AKT2: variants seen among roughly 807,000 people sequenced by gnomAD.
AKT2 encodes the protein RAC-beta serine/threonine-protein kinase.
In AKT2, 16 loss-of-function variants were observed where a neutral mutation model predicts 58.6. That is an observed-to-expected ratio of 0.27 (90% CI 0.18 to 0.41). The LOEUF is 0.41. Among genes scored for constraint, AKT2 ranks in the 10% least tolerant of loss-of-function variants. The pLI, the probability that AKT2 is intolerant of heterozygous loss-of-function variation, is 1.00. For synonymous variants in AKT2, 253 were observed against 254.0 expected (o/e 1.00, Z 0.04); for missense variants, 438 against 661.0 (o/e 0.66, Z 3.70).
In AKT2 at chr19:40,233,714, G is replaced by A. The variant is rs745495725; in HGVS notation, c.*158C>T. 3.6e-5 allele frequency: 29 copies of A among 803,934 alleles called. No individual in the cohort carries two copies. The highest frequency in any genetic ancestry group is 5.6e-5 in the Non-Finnish European group (26 of 461,156). 49.8% of individuals were successfully genotyped at this position (803,934 alleles called of 1,614,324 possible). ...GCTGGAGGCAGGGGCTGCAGGGGCCGCTGGGGTGCGTCTGGGAGGGGCCTG... is the reference window on the plus strand; with the variant it reads ...GCTGGAGGCAGGGGCTGCAGGGGCCACTGGGGTGCGTCTGGGAGGGGCCTG... On this transcript the variant is annotated 3_prime_UTR_variant, in exon 14 of 14. Transcript: ENST00000392038. The surrounding 1 kb of genome is among the most constrained non-coding windows in gnomAD (Gnocchi z 4.3).
In AKT2 at chr19:40,237,172, C is replaced by T. The variant is rs551061410; in HGVS notation, c.832-787G>A. 5.7e-4 allele frequency: 89 copies of T among 155,164 alleles called. 1 individual carries two copies. The highest frequency in any genetic ancestry group is 1.3e-3 in the Admixed American group (20 of 15,840). 9.6% of individuals were successfully genotyped at this position (155,164 alleles called of 1,614,324 possible). On this transcript the variant is annotated intron_variant, in intron 9 of 13. Transcript: ENST00000392038. This position sits in a 1 kb window ranked among gnomAD's most constrained non-coding sequence, Gnocchi z 4.5. ...GTGGCGTCCCACTGTGAGAACACTC[C>T]ACAGTGGATCTGACTGTTCCTCTCA...
Position 40,238,862 on chromosome 19 carries a change from G to A in AKT2, c.708+43C>T. On this transcript the variant is annotated intron_variant, in intron 8 of 13. Coordinates refer to ENST00000392038, the MANE Select transcript of AKT2 (RefSeq NM_001626.6). This position sits in a 1 kb window ranked among gnomAD's most constrained non-coding sequence, Gnocchi z 5.1. ...CCTCTCCATCCCGCCCCACCCTAAA[G>A]AAGGAGGCCCCAGAGGGCAAAGTCA... is the stretch of plus-strand genomic sequence containing the variant. 1 of 1,599,050 alleles carries A rather than the reference G, an allele frequency of 6.3e-7. No individual in the cohort carries two copies. Among genetic ancestry groups the A allele is most frequent in the Non-Finnish European group, 8.6e-7 (1 of 1,166,518 alleles).
rs1974099624 is a variant in AKT2, at chr19:40,237,409, G to A, written c.831+560C>T. The A allele has an allele frequency of 6.4e-6, 1 of 156,706 alleles. No individual in the cohort carries two copies. 9.7% of individuals were successfully genotyped at this position (156,706 alleles called of 1,614,324 possible). ...TGCCTGTAATCCAAGCACTTTGGGA[G>A]GCTGAGGTGGGTGGATCACAAGGTC... On this transcript the variant is annotated intron_variant, in intron 9 of 13. Transcript: ENST00000392038. This position sits in a 1 kb window ranked among gnomAD's most constrained non-coding sequence, Gnocchi z 4.5.
At chr19:40,282,737 G>T in intron 1 of AKT2, 2 of 325,148 alleles carry the variant, frequency 6.2e-6, no homozygotes, top group Middle Eastern at 8.7e-4. Flanking sequence ...GATAAGATGC[G>T]GTGGAAGGCA....
At chr19:40,284,883 C>G (rs2077485171) in intron 1 of AKT2, 1 of 262,686 alleles carries the variant, frequency 3.8e-6, no homozygotes, top group Non-Finnish European at 7.2e-6. Context: ...GATCTGCCCG[C>G]CGCGCCCGAA....
At chr19:40,282,730 A>T in intron 1 of AKT2, 1 of 346,684 alleles carries the variant, frequency 2.9e-6, no homozygotes, top group Non-Finnish European at 5.9e-6. Context: ...AGGGTCTGAT[A>T]AGATGCGGTG....
At chr19:40,236,595 GA>G (rs1380220776) in intron 9 of AKT2, 4 of 644,104 alleles carry the variant, frequency 6.2e-6, no homozygotes, top group South Asian at 1.8e-5. Flanking sequence ...TGGTACCTGG[GA>G]ACAGCTGGGC....
intron 2 of AKT2, among the ~76,000 whole-genome samples, chr19:40,257,673 T>C (rs762044743): frequency 6.6e-6 from 1 of 150,670 alleles, no homozygotes; most frequent in Non-Finnish European, 1.5e-5. Flanking sequence ...GTGAAACACA[T>C]CCACACAAAA....
chr19:40,236,361 C>T lies in AKT2; in HGVS notation c.856G>A (p.Asp286Asn). The T allele has an allele frequency of 6.2e-7, 1 of 1,614,170 alleles. No individual in the cohort carries two copies. Among genetic ancestry groups the T allele is most frequent in the Non-Finnish European group, 8.5e-7 (1 of 1,180,032 alleles). Residue 286 changes from aspartate to asparagine, a missense_variant, in exon 10 of 14, where the codon GAT becomes AAT. By Grantham distance (23) the Asp-to-Asn change is conservative. This residue lies in a region of AKT2 where 46 missense variants were observed against 114.5 expected (regional missense o/e 0.40). Transcript: ENST00000392038. ...IKLENLMLDK[D>N]GHIKITDFGL... ...AAGTCAGTGATCTTGATGTGGCCATCTTTGTCCAGCATGAGGTTTTCCAGC... is the reference window on the plus strand; with the variant it reads ...AAGTCAGTGATCTTGATGTGGCCATTTTTGTCCAGCATGAGGTTTTCCAGC...
At chr19:40,236,672 G>T in intron 9 of AKT2, 2 of 474,334 alleles carry the variant, frequency 4.2e-6, no homozygotes, top group African/African-American at 2.0e-5. Flanking sequence ...TTCTTATTTC[G>T]AACGTGGGGG....
At chr19:40,255,069 T>A (rs372196784) in intron 4 of AKT2, 89 bp downstream of exon 4, 4 of 1,071,416 alleles carry the variant, frequency 3.7e-6, no homozygotes, top group African/African-American at 1.6e-5. Context: ...CTATGTAGGG[T>A]CCCAGGGAAA....
intron 2 of AKT2, among the ~76,000 whole-genome samples, chr19:40,261,883 A>T (rs979182923): frequency 6.6e-5 from 10 of 150,510 alleles, no homozygotes. Context: ...GGTTAATCTC[A>T]CGTTATGTAA....
chr19:40,263,999 C>A (rs1485842398), intron 2 of AKT2, among the ~76,000 whole-genome samples: 2 of 152,186 alleles, frequency 1.3e-5, no homozygotes, highest in African/African-American at 4.8e-5. Flanking sequence ...ATGGCTCGCG[C>A]CACCGTGAGA....
chr19:40,261,526 C>T (rs1375309820), intron 2 of AKT2, among the ~76,000 whole-genome samples: 1 of 133,180 alleles, frequency 7.5e-6, no homozygotes, highest in Non-Finnish European at 1.7e-5. Flanking sequence ...GAGCAAGACT[C>T]CATCTCAAAA....
chr19:40,263,032 A>G (rs998261058), intron 2 of AKT2, among the ~76,000 whole-genome samples: 1 of 152,202 alleles, frequency 6.6e-6, no homozygotes, highest in Admixed American at 6.5e-5. Flanking sequence ...GGTGTGTCAG[A>G]GCTAGGCCAT....
At position 40,252,816 on chromosome 19, in the gene AKT2, C is replaced by T. The variant is rs1463633686; in HGVS notation, c.287+2342G>A. 2.0e-5 allele frequency among the ~76,000 whole-genome samples: 3 copies of T among 152,320 alleles called. No individual in the cohort carries two copies. In the East Asian group the frequency reaches 5.8e-4, roughly 29 times the overall value. On this transcript the variant is annotated intron_variant, in intron 4 of 13. Coordinates refer to ENST00000392038, the MANE Select transcript of AKT2 (RefSeq NM_001626.6). ...CCGTGGCCAAATCCTATCCAGTCTT[C>T]AAAACCCAGCTCAACACCCAGGACC...
chr19:40,262,422 G>A (rs896083108), intron 2 of AKT2, among the ~76,000 whole-genome samples: 2 of 152,184 alleles, frequency 1.3e-5, no homozygotes, highest in African/African-American at 2.4e-5. Context: ...CTACTATACC[G>A]TCTGCCTCTA....
intron 4 of AKT2, among the ~76,000 whole-genome samples, chr19:40,250,408 C>T (rs542146314): frequency 2.6e-5 from 4 of 152,056 alleles, no homozygotes; most frequent in African/African-American, 9.7e-5. Flanking sequence ...GAGGCTGAGG[C>T]GTGAGAATCA....
Position 40,242,600 on chromosome 19 carries a change from G to A in AKT2, c.375C>T (p.Gly125=). Residue 125 remains glycine, a synonymous_variant, in exon 5 of 14, where the codon GGC becomes GGT. Transcript: ENST00000392038. This position sits in a 1 kb window ranked among gnomAD's most constrained non-coding sequence, Gnocchi z 4.3. ...PGEDPMDYKC[G]SPSDSSTTEE... ...CAGTCGTGGAGGAGTCACTGGGGGA[G>A]CCACACTTGTAGTCCATGGGGTCCT... is the stretch of plus-strand genomic sequence containing the variant. The A allele has an allele frequency of 6.2e-7, 1 of 1,613,858 alleles. No homozygotes were observed. The highest frequency in any genetic ancestry group is 8.5e-7 in the Non-Finnish European group (1 of 1,180,030).
Sources: gnomAD v4.1 joint callset for allele counts (sites outside exome capture counted in the v4.1 genomes callset) on GRCh38, gnomAD v4.1.1 for gene constraint, gnomAD v4.1.1 regional missense constraint, Gnocchi (gnomAD v3.1) non-coding constraint, MANE v1.5 for transcripts, NCBI Gene and HGNC (gene_info 2026-07-23, HGNC 2026-07-21) for gene names.